SYNE1: variants seen among roughly 807,000 people sequenced by gnomAD.
SYNE1 encodes the protein spectrin repeat containing nuclear envelope protein 1.
A neutral mutation model predicts 1,111.0 loss-of-function variants in SYNE1; 616 were observed. The observed-to-expected ratio is 0.55, with a 90% CI of 0.52 to 0.59. The LOEUF is 0.59. Among genes scored for constraint, SYNE1 ranks in the 20% least tolerant of loss-of-function variants. The pLI is 0.00. For synonymous variants in SYNE1, 3,855 were observed against 3,825.8 expected, an observed-to-expected ratio of 1.01 and a Z score of -0.28; for missense variants, 10,006 against 10,417.0, an observed-to-expected ratio of 0.96 and a Z score of 1.72.
intron 90 of SYNE1, 139 bp downstream of exon 90, chr6:152,309,696 C>A (rs1423793718): frequency 1.3e-5 from 14 of 1,100,666 alleles, no homozygotes; most frequent in Non-Finnish European, 1.9e-5. Context: ...ATTTTAATCT[C>A]CTTATTTTAT....
At chr6:152,294,429 G>C (rs888858203) in intron 93 of SYNE1, among the ~76,000 whole-genome samples, 1 of 152,152 alleles carries the variant, frequency 6.6e-6, no homozygotes, top group Admixed American at 6.5e-5. Flanking sequence ...GATTTAAGCA[G>C]TACACATGTA....
At chr6:152,193,734 A>G (rs566145098) in intron 127 of SYNE1, among the ~76,000 whole-genome samples, 5 of 152,084 alleles carry the variant, frequency 3.3e-5, no homozygotes, top group East Asian at 1.9e-4. Context: ...TATACAGGCC[A>G]GGCGCGGTAG....
chr6:152,582,285 G>A (rs1237314130), intron 3 of SYNE1, among the ~76,000 whole-genome samples: 1 of 151,940 alleles, frequency 6.6e-6, no homozygotes, highest in Non-Finnish European at 1.5e-5. Context: ...ATCATATCTG[G>A]AAGTTCTCTT....
At chr6:152,211,209 C>T (rs2077470437) in intron 124 of SYNE1, among the ~76,000 whole-genome samples, 2 of 152,178 alleles carry the variant, frequency 1.3e-5, no homozygotes, top group South Asian at 4.1e-4. Flanking sequence ...ATGGTTCATG[C>T]TGATCTATTC....
intron 60 of SYNE1, 157 bp downstream of exon 60, chr6:152,369,314 A>G (rs2097138003): frequency 1.5e-6 from 2 of 1,375,874 alleles, no homozygotes; most frequent in Admixed American, 4.0e-5. Context: ...TTCCAAGGAA[A>G]GTCAGAAAAC....
intron 3 of SYNE1, among the ~76,000 whole-genome samples, chr6:152,571,513 T>C (rs1041367872): frequency 6.6e-6 from 1 of 152,134 alleles, no homozygotes; most frequent in Non-Finnish European, 1.5e-5. Context: ...TCATGACAGC[T>C]GCATGATGAA....
intron 3 of SYNE1, among the ~76,000 whole-genome samples, chr6:152,617,515 C>T (rs1483683425): frequency 2.6e-5 from 4 of 152,104 alleles, no homozygotes; most frequent in African/African-American, 7.2e-5. Flanking sequence ...AGTAGATTCC[C>T]AACAAATATT....
intron 73 of SYNE1, 57 bp from the exon 74 acceptor site, chr6:152,344,284 T>A (rs1182519753): frequency 6.2e-7 from 1 of 1,610,076 alleles, no homozygotes; most frequent in African/African-American, 1.3e-5. Context: ...TCTATAAAGA[T>A]CATTCAAATT....
intron 141 of SYNE1, 56 bp downstream of exon 141, chr6:152,136,562 C>A: frequency 6.2e-7 from 1 of 1,601,806 alleles, no homozygotes; most frequent in South Asian, 1.1e-5. Context: ...GTCACACACT[C>A]AGCTAAATTG....
rs765403936 is a variant in SYNE1 at position 152,451,074 on chromosome 6, G to A, written c.3159C>T (p.Gly1053=). 6.2e-7 allele frequency: 1 copy of A among 1,614,126 alleles called. No homozygotes were observed. The highest frequency in any genetic ancestry group is 1.1e-5 in the South Asian group (1 of 91,088). ...TGTGCTCTTTAATTATCTTTTCACTGCCTTCCTGGGGCATCAGCTTGGTCT... is the reference window on the plus strand; with the variant it reads ...TGTGCTCTTTAATTATCTTTTCACTACCTTCCTGGGGCATCAGCTTGGTCT... ...DRETKLMPQE[G]SEKIIKEHRV... is the part of the protein sequence containing the mutation. Residue 1053 remains glycine (G), a synonymous_variant, in exon 26 of 146, where the codon GGC becomes GGT. Transcript: ENST00000367255.
In SYNE1 at chr6:152,167,987, A is replaced by T. The variant is rs746659483; in HGVS notation, c.23628-3662T>A. The stretch of plus-strand genomic sequence containing the variant: ...GAGTCCACATGGCCAGCTATCTCCC[A>T]ACACCAATCCTCTTCATGTAACATT... On this transcript the variant is annotated intron_variant, in intron 130 of 145. Coordinates refer to ENST00000367255, the MANE Select transcript of SYNE1 (RefSeq NM_182961.4). 5.1e-6 allele frequency: 4 copies of T among 778,636 alleles called. No individual in the cohort carries two copies. The South Asian group carries it at 5.4e-5, about 11-fold the overall frequency. 48.2% of individuals were successfully genotyped at this position (778,636 alleles called of 1,614,324 possible).
chr6:152,388,271 G>C (rs1464113555), intron 53 of SYNE1, among the ~76,000 whole-genome samples: 1 of 150,848 alleles, frequency 6.6e-6, no homozygotes, highest in Non-Finnish European at 1.5e-5. Context: ...TTTTTGACAG[G>C]GTCTTACTCT....
At position 152,318,187 on chromosome 6, in the gene SYNE1, T is replaced by C; in HGVS notation, c.16466A>G (p.Gln5489Arg). 1 of 1,614,204 alleles carries C rather than the reference T, an allele frequency of 6.2e-7. No homozygotes were observed. The highest frequency in any genetic ancestry group is 8.5e-7 in the Non-Finnish European group (1 of 1,180,028). ...LDAAVQKFLEQNGQLGKPLAK... is the reference protein window; with the variant it reads ...LDAAVQKFLERNGQLGKPLAK... The stretch of plus-strand genomic sequence containing the variant: ...CAGTGGCTTACCCAGTTGGCCATTC[T>C]GTTCCAAGAATTTCTGTACTGCTGC... Residue 5489 changes from glutamine (Q) to arginine (R), a missense_variant, in exon 86 of 146, where the codon CAG (glutamine) becomes CGG (arginine). By Grantham distance (43) the Gln-to-Arg change is conservative. Transcript: ENST00000367255.
Position 152,436,220 on chromosome 6 carries a change from G to A in SYNE1, c.4150-119C>T, listed in dbSNP as rs553363493. 8 of 1,024,502 alleles carry A rather than the reference G, an allele frequency of 7.8e-6. No individual in the cohort carries two copies. In the African/African-American group the frequency reaches 1.3e-4, roughly 17 times the overall value. The allele number at this position is 1,024,502 out of a possible 1,614,324, so 63.5% of individuals were successfully genotyped here. A position where few individuals can be genotyped will look rare whatever the true frequency, so the allele number is the denominator to read the frequency against. On this transcript the variant is annotated intron_variant, in intron 32 of 145. Coordinates refer to ENST00000367255, the MANE Select transcript of SYNE1 (RefSeq NM_182961.4). ...TGGATGAAGACATAGAGTCATACAT[G>A]TATGGATCTTACATTGTTCTTAACA...
At chr6:152,400,853 C>T (rs1051201058) in intron 47 of SYNE1, among the ~76,000 whole-genome samples, 3 of 150,184 alleles carry the variant, frequency 2.0e-5, no homozygotes, top group South Asian at 2.1e-4. Context: ...GAGGCTCCAC[C>T]CTTTTATAAA....
chr6:152,445,917 G>T (rs559025496), intron 29 of SYNE1, among the ~76,000 whole-genome samples: 1 of 152,116 alleles, frequency 6.6e-6, no homozygotes, highest in Admixed American at 6.5e-5. Context: ...GTGGAAAAGG[G>T]TATTAATATA....
At chr6:152,208,977 A>G (rs567651086) in intron 124 of SYNE1, among the ~76,000 whole-genome samples, 66 of 152,084 alleles carry the variant, frequency 4.3e-4, no homozygotes, top group African/African-American at 1.6e-3. Context: ...TGGCTTTAAA[A>G]AAATATAGGT....
chr6:152,214,858 C>T (rs1379198813), intron 122 of SYNE1, 48 bp downstream of exon 122: 1 of 1,610,292 alleles, frequency 6.2e-7, no homozygotes, highest in Non-Finnish European at 8.5e-7. Context: ...GCGGCACAAA[C>T]CAGACTAAGA....
At chr6:152,389,276 T>G (rs1038729587) in intron 53 of SYNE1, among the ~76,000 whole-genome samples, 3 of 152,314 alleles carry the variant, frequency 2.0e-5, no homozygotes. Context: ...CATGGGGGTT[T>G]GCTGCCCAGA....
Sources: gnomAD v4.1 joint callset for allele counts (sites outside exome capture counted in the v4.1 genomes callset) on GRCh38, gnomAD v4.1.1 for gene constraint, MANE v1.5 for transcripts, NCBI Gene and HGNC (gene_info 2026-07-23, HGNC 2026-07-21) for gene names.